The following EPHA7 variants were observed in gnomAD, a reference collection of about 807,000 sequenced individuals.
EPHA7 encodes the protein EPH receptor A7.
EPHA7 carries 25 observed loss-of-function variants against 112.6 expected under a neutral mutation model. The observed-to-expected ratio is 0.22, with a 90% confidence interval of 0.16 to 0.31. EPHA7 has a LOEUF of 0.31. Among genes scored for constraint, EPHA7 ranks in the 10% least tolerant of loss-of-function variants. The probability of loss-of-function intolerance (pLI) is 1.00; values close to 1 mark genes in which losing one functional copy is unlikely to be tolerated. For synonymous variants in EPHA7, 437 were observed against 406.5 expected, an observed-to-expected ratio of 1.07 and a Z score of -0.90; for missense variants, 962 against 1,212.6, an observed-to-expected ratio of 0.79 and a Z score of 3.07.
At chr6:93,332,979 A>G (rs1341906690) in intron 5 of EPHA7, among the ~76,000 whole-genome samples, 1 of 151,730 alleles carries the variant, frequency 6.6e-6, no homozygotes, top group African/African-American at 2.4e-5. Flanking sequence ...TTATTTCATT[A>G]CCCAGGTAAT....
intron 3 of EPHA7, among the ~76,000 whole-genome samples, chr6:93,374,568 T>G (rs2127963751): frequency 6.6e-6 from 1 of 152,340 alleles, no homozygotes; most frequent in East Asian, 1.9e-4. Flanking sequence ...ATATTTATAG[T>G]CATTGTAATT....
At chr6:93,379,264 G>T (rs1826474) in intron 3 of EPHA7, among the ~76,000 whole-genome samples, 19,617 of 151,858 alleles carry the variant, frequency 0.13, 1,344 homozygotes, top group East Asian at 0.21. Flanking sequence ...AATTTGAATT[G>T]CCTCTTCCTC....
chr6:93,366,726 T>C (rs542215575), intron 3 of EPHA7, among the ~76,000 whole-genome samples: 1 of 152,326 alleles, frequency 6.6e-6, no homozygotes, highest in South Asian at 2.1e-4. Context: ...CGTGCCATTG[T>C]TGCTGAACCT....
chr6:93,353,239 C>T (rs964191931), intron 5 of EPHA7, among the ~76,000 whole-genome samples: 1 of 152,018 alleles, frequency 6.6e-6, no homozygotes, highest in Non-Finnish European at 1.5e-5. Flanking sequence ...TTTGTGACTT[C>T]AGCCTTAATA....
chr6:93,248,974 G>A (rs11962793), intron 14 of EPHA7, among the ~76,000 whole-genome samples: 30,951 of 152,160 alleles, frequency 0.2, 3,519 homozygotes, highest in South Asian at 0.41. Context: ...AAGTGATGGA[G>A]TGATTATCTC....
rs1029412043 is a variant in EPHA7, at chr6:93,373,448, G to A, written c.833-15037C>T. On this transcript the variant is annotated intron_variant, in intron 3 of 16. Transcript: ENST00000369303. ...CATAAGGCAGGTCAGGGAAACTTGCGTGTAATTTAGTACTTTTACACTGCA... is the reference window on the plus strand; with the variant it reads ...CATAAGGCAGGTCAGGGAAACTTGCATGTAATTTAGTACTTTTACACTGCA... 3.3e-5 allele frequency among the ~76,000 whole-genome samples: 5 copies of A among 152,010 alleles called. No homozygotes were observed. The East Asian group carries it at 5.8e-4, about 18-fold the overall frequency.
rs1562122316 is a variant in EPHA7, at chr6:93,358,375, T to C, written c.869A>G (p.Asp290Gly). 6.2e-7 allele frequency: 1 copy of C among 1,612,160 alleles called. No homozygotes were observed. The highest frequency in any genetic ancestry group is 8.5e-7 in the Non-Finnish European group (1 of 1,178,948). The part of the protein sequence containing the change: ...GRGFYKSSSQ[D>G]LQCSRCPTHS... ...AGTTGGACAACGAGAGCACTGAAGA[T>C]CTTGAGAGGAAGACTTGTAGAACCC... Residue 290 changes from aspartate to glycine, a missense_variant, in exon 4 of 17, where the codon GAT (aspartate) becomes GGT (glycine). Around this residue, in one of 3 missense-constraint regions of EPHA7, gnomAD observed 746 missense variants for 889.2 expected, o/e 0.84. Coordinates refer to ENST00000369303, the MANE Select transcript of EPHA7 (RefSeq NM_004440.4).
At chr6:93,327,024 C>T (rs1562098877) in intron 5 of EPHA7, among the ~76,000 whole-genome samples, 1 of 151,502 alleles carries the variant, frequency 6.6e-6, no homozygotes, top group Admixed American at 6.6e-5. Context: ...TTAATCTGTG[C>T]TATCTAGAAT....
intron 5 of EPHA7, among the ~76,000 whole-genome samples, chr6:93,285,943 T>C (rs1297923112): frequency 6.6e-6 from 1 of 152,182 alleles, no homozygotes; most frequent in Non-Finnish European, 1.5e-5. Flanking sequence ...CGGCACCCTT[T>C]TTTACATATT....
intron 3 of EPHA7, among the ~76,000 whole-genome samples, chr6:93,377,701 AAACTT>A (rs1777131754): frequency 6.6e-6 from 1 of 152,138 alleles, no homozygotes; most frequent in Non-Finnish European, 1.5e-5. Flanking sequence ...TAACAGCAGA[AAACTT>A]AAAAGTTTCT....
rs530184521 is a variant in EPHA7, at chr6:93,284,932, G to A, written c.1325-12510C>T. On this transcript the variant is annotated intron_variant, in intron 5 of 16. Coordinates refer to ENST00000369303, the MANE Select transcript of EPHA7 (RefSeq NM_004440.4). Reference sequence around the variant, plus strand: ...GATGGGTGCAGCAAACCACCATGGCGTGTGTATACCTATGTAACAAACCTG... The same window carrying A: ...GATGGGTGCAGCAAACCACCATGGCATGTGTATACCTATGTAACAAACCTG... Among the ~76,000 whole-genome samples the A allele has an allele frequency of 5.3e-5, 8 of 151,978 alleles. No individual in the cohort carries two copies. The East Asian group carries it at 1.2e-3, about 22-fold the overall frequency.
At chr6:93,413,763 T>A in intron 2 of EPHA7, among the ~76,000 whole-genome samples, 1 of 151,942 alleles carries the variant, frequency 6.6e-6, no homozygotes. Flanking sequence ...TTTTACATTC[T>A]TAAACTTTCA....
intron 3 of EPHA7, among the ~76,000 whole-genome samples, chr6:93,407,103 C>A (rs1778757326): frequency 6.6e-6 from 1 of 151,968 alleles, no homozygotes; most frequent in Admixed American, 6.6e-5. Flanking sequence ...CAAAATTGAG[C>A]TATTTTTTCA....
At chr6:93,367,460 T>C (rs1776572298) in intron 3 of EPHA7, among the ~76,000 whole-genome samples, 1 of 152,176 alleles carries the variant, frequency 6.6e-6, no homozygotes, top group Non-Finnish European at 1.5e-5. Context: ...TTAAGTAACA[T>C]TACATTTGCT....
chr6:93,257,395 AG>A lies in EPHA7; in HGVS notation c.2172+66del, dbSNP rs1024229124. On this transcript the variant is annotated intron_variant, in intron 12 of 16. Coordinates refer to ENST00000369303, the MANE Select transcript of EPHA7 (RefSeq NM_004440.4). Reference sequence around the variant, plus strand: ...GGCTCTCATTTTACATTGCAAAAAAAGTTCATAAAATTATATTGGTAGCAAG... The same window carrying A: ...GGCTCTCATTTTACATTGCAAAAAAATTCATAAAATTATATTGGTAGCAAG... 5 of 1,241,982 alleles carry A rather than the reference AG, an allele frequency of 4.0e-6. No homozygotes were observed. The African/African-American group carries it at 6.2e-5, about 15-fold the overall frequency. The allele number at this position is 1,241,982 out of a possible 1,614,324, so 76.9% of individuals were successfully genotyped here. A position where few individuals can be genotyped will look rare whatever the true frequency, so the allele number is the denominator to read the frequency against.
At chr6:93,390,733 A>T (rs1216870530) in intron 3 of EPHA7, among the ~76,000 whole-genome samples, 2 of 151,904 alleles carry the variant, frequency 1.3e-5, no homozygotes, top group Non-Finnish European at 2.9e-5. Flanking sequence ...ATAAAACAAA[A>T]TTTAATTTCT....
At position 93,317,288 on chromosome 6, in the gene EPHA7, T is replaced by C. The variant is rs533730376; in HGVS notation, c.1324+39429A>G. ...TTTAATTATGTCTTAAATAAGCTAA[T>C]GTGAAAATGAATTCACATTTCCCAT... On this transcript the variant is annotated intron_variant, in intron 5 of 16. Transcript: ENST00000369303. Among the ~76,000 whole-genome samples, 32 of 152,278 alleles carry C rather than the reference T, an allele frequency of 2.1e-4. No homozygotes were observed. The South Asian group carries it at 6.6e-3, about 32-fold the overall frequency.
At chr6:93,262,188 C>T (rs1187809935) in intron 9 of EPHA7, among the ~76,000 whole-genome samples, 1 of 151,454 alleles carries the variant, frequency 6.6e-6, no homozygotes, top group Non-Finnish European at 1.5e-5. Flanking sequence ...TCCTTCCTGT[C>T]TGGGGAAGTG....
At chr6:93,310,354 T>C (rs1169098276) in intron 5 of EPHA7, among the ~76,000 whole-genome samples, 1 of 152,184 alleles carries the variant, frequency 6.6e-6, no homozygotes, top group African/African-American at 2.4e-5. Flanking sequence ...TTTCACTTTA[T>C]AGTTTCACAA....
Sources: gnomAD v4.1 joint callset for allele counts (sites outside exome capture counted in the v4.1 genomes callset) on GRCh38, gnomAD v4.1.1 for gene constraint, gnomAD v4.1.1 regional missense constraint, MANE v1.5 for transcripts, NCBI Gene and HGNC (gene_info 2026-07-23, HGNC 2026-07-21) for gene names.